Variants in NRG1 observed in about 807,000 individuals in gnomAD.
NRG1 encodes the protein neuregulin 1, also known as pro-neuregulin-1, membrane-bound isoform.
In NRG1, 18 loss-of-function variants were observed where a neutral mutation model predicts 63.8. The observed-to-expected ratio is 0.28, with a 90% confidence interval of 0.19 to 0.42. The LOEUF is 0.42. NRG1 is among the 10% of genes least tolerant of loss of function. The pLI, the probability that NRG1 is intolerant of heterozygous loss-of-function variation, is 1.00. For synonymous variants in NRG1, 302 were observed against 301.3 expected, an observed-to-expected ratio of 1.00 and a Z score of -0.02; for missense variants, 762 against 814.7, an observed-to-expected ratio of 0.94 and a Z score of 0.79.
intron 1 of NRG1, among the ~76,000 whole-genome samples, chr8:31,843,192 C>G (rs1406512941): frequency 6.6e-6 from 1 of 151,970 alleles, no homozygotes; most frequent in East Asian, 1.9e-4. Context: ...TTTTCATATA[C>G]GAGAACAATG....
At position 32,743,231 on chromosome 8, in the gene NRG1, G is replaced by A. The variant is rs1826760580; in HGVS notation, c.691+498G>A. 3 of 985,136 alleles carry A rather than the reference G, an allele frequency of 3.0e-6. No homozygotes were observed. The South Asian group carries it at 1.4e-4, about 46-fold the overall frequency. The allele number at this position is 985,136 out of a possible 1,614,324, so 61.0% of individuals were successfully genotyped here. On this transcript the variant is annotated intron_variant, in intron 7 of 11. Transcript: ENST00000356819. ...AAATAAACATAATAAAAGGAGTTCAGATGTTTTTCTTCATTAACCAAACAG... is the reference window on the plus strand; with the variant it reads ...AAATAAACATAATAAAAGGAGTTCAAATGTTTTTCTTCATTAACCAAACAG...
At chr8:32,563,525 G>T (rs1308726471) in intron 1 of NRG1, among the ~76,000 whole-genome samples, 2 of 152,146 alleles carry the variant, frequency 1.3e-5, no homozygotes, top group Non-Finnish European at 2.9e-5. Context: ...CTGGGTACTG[G>T]TTATGAATTG....
At chr8:32,078,940 G>A (rs1037015765) in intron 1 of NRG1, among the ~76,000 whole-genome samples, 1 of 152,056 alleles carries the variant, frequency 6.6e-6, no homozygotes, top group South Asian at 2.1e-4. Context: ...ATGTTAACTG[G>A]CAGTTATTCA....
intron 1 of NRG1, among the ~76,000 whole-genome samples, chr8:32,583,520 G>T (rs970710441): frequency 2.0e-5 from 3 of 152,120 alleles, no homozygotes; most frequent in African/African-American, 7.2e-5. Context: ...TTCTTTCTAA[G>T]TAAAAACAAA....
intron 1 of NRG1, among the ~76,000 whole-genome samples, chr8:31,808,580 T>A (rs992686976): frequency 1.3e-5 from 2 of 152,102 alleles, no homozygotes; most frequent in Admixed American, 6.5e-5. Flanking sequence ...TTCTTCCATC[T>A]TTTTTAAACT....
chr8:32,375,529 C>T (rs1298288153), intron 1 of NRG1, among the ~76,000 whole-genome samples: 1 of 152,050 alleles, frequency 6.6e-6, no homozygotes. Flanking sequence ...TGTTGCCCAT[C>T]CTTAGCCCAG....
chr8:32,602,934 C>T (rs1844629182), intron 2 of NRG1, among the ~76,000 whole-genome samples: 1 of 152,088 alleles, frequency 6.6e-6, no homozygotes, highest in Admixed American at 6.6e-5. Context: ...ATTAATACAG[C>T]CTGCATTGGG....
At chr8:32,701,982 A>G (rs1815015299) in intron 5 of NRG1, among the ~76,000 whole-genome samples, 1 of 152,172 alleles carries the variant, frequency 6.6e-6, no homozygotes, top group Non-Finnish European at 1.5e-5. Flanking sequence ...TAGGAATTGT[A>G]TTTTCCCTTT....
chr8:32,700,301 G>A (rs1814511741), intron 5 of NRG1, among the ~76,000 whole-genome samples: 1 of 151,882 alleles, frequency 6.6e-6, no homozygotes, highest in Non-Finnish European at 1.5e-5. Flanking sequence ...TGTATAACTG[G>A]TGAAATAATT....
At chr8:32,008,654 T>C (rs1287541451) in intron 1 of NRG1, among the ~76,000 whole-genome samples, 1 of 152,064 alleles carries the variant, frequency 6.6e-6, no homozygotes, top group Non-Finnish European at 1.5e-5. Flanking sequence ...GACATTTTTA[T>C]TTGAGAACAA....
intron 5 of NRG1, among the ~76,000 whole-genome samples, chr8:32,668,443 G>T (rs1804791345): frequency 6.6e-6 from 1 of 152,134 alleles, no homozygotes; most frequent in South Asian, 2.1e-4. Flanking sequence ...TGTCAGGGTT[G>T]TGGTGGCCCT....
At chr8:32,359,809 G>C (rs2129481063) in intron 1 of NRG1, among the ~76,000 whole-genome samples, 1 of 152,256 alleles carries the variant, frequency 6.6e-6, no homozygotes, top group Middle Eastern at 3.4e-3. Flanking sequence ...TGTTGAAAAG[G>C]CTTCCAGAAA....
At chr8:31,896,783 A>G (rs893119106) in intron 1 of NRG1, among the ~76,000 whole-genome samples, 2 of 152,082 alleles carry the variant, frequency 1.3e-5, no homozygotes, top group Non-Finnish European at 2.9e-5. Flanking sequence ...TCCTTTTCCA[A>G]CTATAGGAAT....
intron 1 of NRG1, among the ~76,000 whole-genome samples, chr8:32,576,987 A>G (rs1383112834): frequency 6.6e-6 from 1 of 152,032 alleles, no homozygotes; most frequent in East Asian, 1.9e-4. Flanking sequence ...TCCCTGCTCT[A>G]GTAGTCCCCA....
chr8:31,701,193 G>A (rs1171854568), intron 1 of NRG1, among the ~76,000 whole-genome samples: 1 of 151,926 alleles, frequency 6.6e-6, no homozygotes, highest in East Asian at 1.9e-4. Flanking sequence ...CTCAACTGGG[G>A]GCACATTTGG....
At chr8:31,987,320 A>ATGTGTGTGTGTGTGTGTGTG (rs545275263) in intron 1 of NRG1, among the ~76,000 whole-genome samples, 7 of 125,802 alleles carry the variant, frequency 5.6e-5, no homozygotes, top group African/African-American at 2.2e-4. Context: ...AAACATATAT[A>ATGTGTGTGTGTGTGTGTGTG]TGTGTGTGTG....
intron 5 of NRG1, among the ~76,000 whole-genome samples, chr8:32,714,620 C>T (rs1445006820): frequency 6.6e-6 from 1 of 152,156 alleles, no homozygotes; most frequent in Non-Finnish European, 1.5e-5. Context: ...ACAAAGTAAC[C>T]TACATGCTTA....
intron 1 of NRG1, among the ~76,000 whole-genome samples, chr8:32,197,231 G>A (rs1024210154): frequency 6.6e-6 from 1 of 151,840 alleles, no homozygotes. Context: ...CAAAGTGCTG[G>A]GATTACAAGC....
intron 1 of NRG1, among the ~76,000 whole-genome samples, chr8:31,836,557 C>T (rs1208212560): frequency 6.6e-6 from 1 of 152,040 alleles, no homozygotes; most frequent in African/African-American, 2.4e-5. Flanking sequence ...AGGATATGTA[C>T]ACTACACATT....
Sources: allele counts gnomAD v4.1 joint callset (sites outside exome capture counted in the v4.1 genomes callset), GRCh38; gene constraint gnomAD v4.1.1; transcripts MANE v1.5; gene names NCBI Gene and HGNC (gene_info 2026-07-23, HGNC 2026-07-21).